SYN2: variants seen among roughly 807,000 people sequenced by gnomAD.
The protein encoded by SYN2 is synapsin-2.
SYN2 carries 19 observed loss-of-function variants against 50.9 expected under a neutral mutation model. The observed-to-expected ratio is 0.37, with a 90% CI of 0.26 to 0.55. The LOEUF (loss-of-function observed/expected upper bound fraction) is 0.55. Ranked by LOEUF, SYN2 falls within the 20% of genes least tolerant of loss-of-function variation. SYN2 has a pLI of 0.81. For missense variants in SYN2, 587 were observed against 576.4 expected (o/e 1.02, Z -0.19); for synonymous variants, 255 against 224.9 (o/e 1.13, Z -1.20).
chr3:12,161,495 CG>C, intron 5 of SYN2, 50 bp from the exon 6 acceptor site: 1 of 1,600,500 alleles, frequency 6.2e-7, no homozygotes, highest in East Asian at 2.2e-5. Context: ...TAGGATTCCA[CG>C]GAGAGATGGG....
At position 12,190,526 on chromosome 3, in the gene SYN2, T is replaced by A. The variant is rs1698425401; in HGVS notation, c.1650T>A (p.Ser550=). ...CCCTGACAAATGCCTTCAGCTTCTC[T>A]GAGTCCTCCTTCTTCCGGTCTTCAG... is the stretch of plus-strand genomic sequence containing the variant. ...SQSLTNAFSF[S]ESSFFRSSAN... Residue 550 remains serine, a synonymous_variant, in exon 13 of 13, where the codon TCT becomes TCA. Coordinates refer to ENST00000621198, the MANE Select transcript of SYN2 (RefSeq NM_133625.6). 1 of 1,613,910 alleles carries A rather than the reference T, an allele frequency of 6.2e-7. No individual in the cohort carries two copies. The highest frequency in any genetic ancestry group is 8.5e-7 in the Non-Finnish European group (1 of 1,179,858).
intron 1 of SYN2, among the ~76,000 whole-genome samples, chr3:12,080,200 T>C (rs1032304724): frequency 3.3e-5 from 5 of 152,138 alleles, no homozygotes; most frequent in Non-Finnish European, 7.4e-5. Flanking sequence ...TTTTCTTCTT[T>C]ACTAGTCTAG....
intron 1 of SYN2, among the ~76,000 whole-genome samples, chr3:12,033,613 T>C (rs1160838151): frequency 3.3e-5 from 5 of 152,214 alleles, no homozygotes; most frequent in Non-Finnish European, 5.9e-5. Flanking sequence ...CACCACCACT[T>C]ATTTCAGAAC....
rs769025592 is a variant in SYN2, at chr3:12,190,525, C to CTA, written c.1650_1651insAT (p.Glu551MetfsTer23). 1 of 1,613,900 alleles carries CTA rather than the reference C, an allele frequency of 6.2e-7. No homozygotes were observed. The highest frequency in any genetic ancestry group is 1.1e-5 in the South Asian group (1 of 91,028). ...TCCCTGACAAATGCCTTCAGCTTCT[C>CTA]TGAGTCCTCCTTCTTCCGGTCTTCA... is the stretch of plus-strand genomic sequence containing the variant. On this transcript the variant is annotated frameshift_variant, in exon 13 of 13. Coordinates refer to ENST00000621198, the MANE Select transcript of SYN2 (RefSeq NM_133625.6). LOFTEE classifies it high-confidence loss of function.
intron 6 of SYN2, 138 bp from the exon 7 acceptor site, chr3:12,161,874 C>T: frequency 2.3e-6 from 3 of 1,292,378 alleles, no homozygotes; most frequent in Non-Finnish European, 3.2e-6. Context: ...AAGGGGCCTC[C>T]TGGGGAGATG....
At chr3:12,155,362 A>G (rs1022924479) in intron 5 of SYN2, among the ~76,000 whole-genome samples, 1 of 152,252 alleles carries the variant, frequency 6.6e-6, no homozygotes, top group Non-Finnish European at 1.5e-5. Flanking sequence ...CATCTATGGA[A>G]GGAGTGTGGG....
At chr3:12,030,610 A>G (rs1328344892) in intron 1 of SYN2, among the ~76,000 whole-genome samples, 3 of 148,668 alleles carry the variant, frequency 2.0e-5, no homozygotes, top group South Asian at 4.4e-4. Context: ...GTCTTGGGAG[A>G]GTGTATGTGT....
chr3:12,158,548 C>T (rs1029805379), intron 5 of SYN2: 25 of 1,133,956 alleles, frequency 2.2e-5, no homozygotes, highest in African/African-American at 2.1e-4. Context: ...GTTGCTATGG[C>T]GCCTGGTCCT....
At chr3:12,016,284 T>C (rs971609912) in intron 1 of SYN2, among the ~76,000 whole-genome samples, 5 of 152,182 alleles carry the variant, frequency 3.3e-5, no homozygotes, top group African/African-American at 1.2e-4. Flanking sequence ...CAATGAAAGA[T>C]TGATGAAATA....
chr3:12,068,659 T>G (rs547088196), intron 1 of SYN2, among the ~76,000 whole-genome samples: 1 of 152,284 alleles, frequency 6.6e-6, no homozygotes, highest in East Asian at 1.9e-4. Flanking sequence ...TTTAAATTTT[T>G]TTCTCTTCTG....
intron 1 of SYN2, among the ~76,000 whole-genome samples, chr3:12,095,428 G>A (rs1226512771): frequency 1.8e-4 from 10 of 54,540 alleles, no homozygotes; most frequent in African/African-American, 2.8e-4. Flanking sequence ...GGCACCTGTA[G>A]TCCTAGCTAC....
intron 1 of SYN2, among the ~76,000 whole-genome samples, chr3:12,033,533 C>T (rs1404357794): frequency 1.3e-5 from 2 of 152,100 alleles, no homozygotes; most frequent in African/African-American, 4.8e-5. Context: ...ATATTATTTG[C>T]ATACCATAAA....
chr3:12,186,922 G>A (rs1051386049), intron 11 of SYN2, among the ~76,000 whole-genome samples: 1 of 152,236 alleles, frequency 6.6e-6, no homozygotes, highest in Admixed American at 6.5e-5. Flanking sequence ...TGCTCAGGGA[G>A]TCACTGGTAG....
At chr3:12,154,216 A>G in intron 5 of SYN2, 1 of 1,488,918 alleles carries the variant, frequency 6.7e-7, no homozygotes, top group Non-Finnish European at 9.2e-7. Flanking sequence ...CCCCAACTTC[A>G]TACAGTGCAG....
chr3:12,027,097 T>C (rs1254594608), intron 1 of SYN2, among the ~76,000 whole-genome samples: 2 of 152,204 alleles, frequency 1.3e-5, no homozygotes, highest in African/African-American at 4.8e-5. Context: ...GTGGTGTCCT[T>C]GCCATTCTAA....
At chr3:12,059,489 A>G (rs1695068769) in intron 1 of SYN2, among the ~76,000 whole-genome samples, 1 of 152,150 alleles carries the variant, frequency 6.6e-6, no homozygotes, top group Non-Finnish European at 1.5e-5. Context: ...CCCCTCAGGA[A>G]GAAATTTAAA....
chr3:12,169,863 C>G lies in SYN2; in HGVS notation c.1265C>G (p.Pro422Arg). 6.2e-7 allele frequency: 1 copy of G among 1,613,140 alleles called. No individual in the cohort carries two copies. Among genetic ancestry groups the G allele is most frequent in the Non-Finnish European group, 8.5e-7 (1 of 1,179,518 alleles). The change falls in exon 10 of 13, where the codon CCT becomes CGT. Residue 422 changes from proline to arginine, a missense_variant. Coordinates refer to ENST00000621198, the MANE Select transcript of SYN2 (RefSeq NM_133625.6). ...ATGAACCAGCTGCTGTCCAGGACTC[C>G]TGCCCTGTCTCCTCAGAGACCCCTA... is the stretch of plus-strand genomic sequence containing the variant. ...SKMNQLLSRT[P>R]ALSPQRPLTT...
chr3:12,125,507 A>G lies in SYN2; in HGVS notation c.378-15144A>G, dbSNP rs547111290. 9.5e-4 allele frequency among the ~76,000 whole-genome samples: 145 copies of G among 152,342 alleles called. 1 individual carries two copies. The highest frequency in any genetic ancestry group is 3.4e-3 in the Middle Eastern group (1 of 294). ...AAATCTCAGAGATATCCAACTTCCAATACTTGCTGCTTTATTCAGGTCTGA... is the reference window on the plus strand; with the variant it reads ...AAATCTCAGAGATATCCAACTTCCAGTACTTGCTGCTTTATTCAGGTCTGA... On this transcript the variant is annotated intron_variant, in intron 1 of 12. Coordinates refer to ENST00000621198, the MANE Select transcript of SYN2 (RefSeq NM_133625.6).
At chr3:12,089,919 T>C (rs1457562468) in intron 1 of SYN2, among the ~76,000 whole-genome samples, 4 of 152,202 alleles carry the variant, frequency 2.6e-5, no homozygotes, top group Admixed American at 2.6e-4. Flanking sequence ...AGTTCTGTAA[T>C]TCTGGACAGT....
Sources: gnomAD v4.1 joint callset for allele counts (sites outside exome capture counted in the v4.1 genomes callset) on GRCh38, gnomAD v4.1.1 for gene constraint, MANE v1.5 for transcripts, NCBI Gene and HGNC (gene_info 2026-07-23, HGNC 2026-07-21) for gene names.